ZNF326: variants seen among roughly 807,000 people sequenced by gnomAD.
The protein encoded by ZNF326 is zinc finger protein 326, also known as DBIRD complex subunit ZNF326.
Under a neutral mutation model 63.1 loss-of-function variants are expected in ZNF326, and 30 were observed. The ratio of observed to expected loss-of-function variants is 0.48; its 90% CI spans 0.36 to 0.64. The LOEUF (loss-of-function observed/expected upper bound fraction) is 0.64, where lower values mean the gene tolerates loss of function less well. ZNF326 is among the 30% of genes least tolerant of loss of function. The pLI, the probability that ZNF326 is intolerant of heterozygous loss-of-function variation, is 0.00. For missense variants in ZNF326, 609 were observed against 720.3 expected (o/e 0.85, Z 1.77); for synonymous variants, 194 against 228.2 (o/e 0.85, Z 1.35).
chr1:90,034,882 A>G lies in ZNF326; in HGVS notation c.*7181A>G, dbSNP rs1650422135. On this transcript the variant is annotated 3_prime_UTR_variant, in exon 12 of 12. Coordinates refer to ENST00000340281, the MANE Select transcript of ZNF326 (RefSeq NM_182976.4). ...AAACTGGTCATGTTGAAAAAACATG[A>G]CCAATTAAATATCCCAAAATAATGT... 1 of 152,156 alleles carries G rather than the reference A, an allele frequency of 6.6e-6. No homozygotes were observed. Among genetic ancestry groups the G allele is most frequent in the African/African-American group, 2.4e-5 (1 of 41,446 alleles). The allele number at this position is 152,156 out of a possible 1,614,324, so 9.4% of individuals were successfully genotyped here. A position where few individuals can be genotyped will look rare whatever the true frequency, so the allele number is the denominator to read the frequency against.
chr1:90,015,812 T>G (rs747415500), intron 7 of ZNF326, among the ~76,000 whole-genome samples: 3 of 152,186 alleles, frequency 2.0e-5, no homozygotes, highest in Non-Finnish European at 4.4e-5. Flanking sequence ...AGGCCATGGC[T>G]TGCCATCAAA....
chr1:90,012,436 G>C (rs1184040583), intron 6 of ZNF326, among the ~76,000 whole-genome samples: 2 of 152,054 alleles, frequency 1.3e-5, no homozygotes, highest in Non-Finnish European at 2.9e-5. Flanking sequence ...TGGTTACCAG[G>C]GCCTTAGGGT....
chr1:90,001,208 G>C (rs1393114989), intron 2 of ZNF326, among the ~76,000 whole-genome samples: 1 of 152,156 alleles, frequency 6.6e-6, no homozygotes, highest in Non-Finnish European at 1.5e-5. Context: ...AATGTCCCCA[G>C]GGGGTGCAAA....
Position 90,005,057 on chromosome 1 carries a change from T to A in ZNF326, c.97+19T>A. 1 of 1,613,996 alleles carries A rather than the reference T, an allele frequency of 6.2e-7. No homozygotes were observed. The highest frequency in any genetic ancestry group is 8.5e-7 in the Non-Finnish European group (1 of 1,179,986). On this transcript the variant is annotated intron_variant, in intron 3 of 11. Coordinates refer to ENST00000340281, the MANE Select transcript of ZNF326 (RefSeq NM_182976.4). ...TATGGAGGTCTGACATTCAAGGATATTTATCTAAAAATTCTTCTTTTGAGT... is the reference window on the plus strand; with the variant it reads ...TATGGAGGTCTGACATTCAAGGATAATTATCTAAAAATTCTTCTTTTGAGT...
At chr1:90,001,607 G>A (rs1221681842) in intron 2 of ZNF326, among the ~76,000 whole-genome samples, 1 of 149,360 alleles carries the variant, frequency 6.7e-6, no homozygotes, top group Non-Finnish European at 1.5e-5. Flanking sequence ...AGGCTAGAGT[G>A]CAATGGTGTG....
chr1:89,997,559 A>G (rs1209882239), intron 1 of ZNF326, among the ~76,000 whole-genome samples: 1 of 152,066 alleles, frequency 6.6e-6, no homozygotes, highest in Non-Finnish European at 1.5e-5. Flanking sequence ...TTTCCAGTAG[A>G]GAAAGGGTTT....
In ZNF326 at chr1:90,017,365, A is replaced by G; in HGVS notation, c.975A>G (p.Lys325=). 1 of 1,605,184 alleles carries G rather than the reference A, an allele frequency of 6.2e-7. No homozygotes were observed. The highest frequency in any genetic ancestry group is 8.5e-7 in the Non-Finnish European group (1 of 1,177,256). The part of the protein sequence containing the change: ...SFCKFRTFEE[K]DIELHLESSS... ...GTAAATTTCGAACATTTGAAGAAAA[A>G]GATATTGAACTGCATCTGGAAAGTT... is the stretch of plus-strand genomic sequence containing the variant. Residue 325 remains lysine, a synonymous_variant, in exon 8 of 12, where the codon AAA becomes AAG. Coordinates refer to ENST00000340281, the MANE Select transcript of ZNF326 (RefSeq NM_182976.4).
At position 90,010,200 on chromosome 1, in the gene ZNF326, A is replaced by G; in HGVS notation, c.728A>G (p.Gln243Arg). The change falls in exon 6 of 12, where the codon CAG becomes CGG. Residue 243 changes from glutamine (Q) to arginine (R), a missense_variant. By Grantham distance (43) the Gln-to-Arg change is conservative. This residue lies in a region of ZNF326 where 399 missense variants were observed against 444.3 expected (regional missense o/e 0.90). Transcript: ENST00000340281. Reference protein sequence around the residue: ...AARGIKRKMMQPFNKPSGTFI... With the variant: ...AARGIKRKMMRPFNKPSGTFI... ...AGAGGAATAAAGAGAAAAATGATGCAGCCATTTAATAAGCCCAGTGGAACC... is the reference window on the plus strand; with the variant it reads ...AGAGGAATAAAGAGAAAAATGATGCGGCCATTTAATAAGCCCAGTGGAACC... 6.2e-7 allele frequency: 1 copy of G among 1,613,974 alleles called. No individual in the cohort carries two copies. Among genetic ancestry groups the G allele is most frequent in the South Asian group, 1.1e-5 (1 of 91,078 alleles).
In ZNF326 at chr1:90,030,365, G is replaced by C. The variant is rs1225628401; in HGVS notation, c.*2664G>C. 6.7e-6 allele frequency: 1 copy of C among 149,910 alleles called. No homozygotes were observed. The highest frequency in any genetic ancestry group is 6.6e-5 in the Admixed American group (1 of 15,042). 9.3% of individuals were successfully genotyped at this position (149,910 alleles called of 1,614,324 possible). On this transcript the variant is annotated 3_prime_UTR_variant, in exon 12 of 12. Coordinates refer to ENST00000340281, the MANE Select transcript of ZNF326 (RefSeq NM_182976.4). The stretch of plus-strand genomic sequence containing the variant: ...CTTTTTTTTTTTTTGTACCTATACA[G>C]TTAGAACTCCTTATCATGTTGATCA...
rs931845196 is a variant in ZNF326, at chr1:90,003,341, C to A, written c.62-1662C>A. Among the ~76,000 whole-genome samples the A allele has an allele frequency of 2.6e-5, 4 of 152,176 alleles. No individual in the cohort carries two copies. The South Asian group carries it at 8.3e-4, about 32-fold the overall frequency. On this transcript the variant is annotated intron_variant, in intron 2 of 11. Coordinates refer to ENST00000340281, the MANE Select transcript of ZNF326 (RefSeq NM_182976.4). ...TAGAGACGGGGTTTCACTGTGTTAG[C>A]CAGGATGGTCTTGATCTCCTGACCT...
intron 2 of ZNF326, 54 bp from the exon 3 acceptor site, chr1:90,004,949 T>C: frequency 6.6e-7 from 1 of 1,511,880 alleles, no homozygotes; most frequent in Non-Finnish European, 9.2e-7. Flanking sequence ...TGTGCAAAGA[T>C]CCCTGAAGAG....
chr1:90,005,201 T>A lies in ZNF326; in HGVS notation c.166T>A (p.Ser56Thr), dbSNP rs763239926. The A allele has an allele frequency of 2.9e-5, 46 of 1,614,026 alleles. No homozygotes were observed. The highest frequency in any genetic ancestry group is 3.9e-5 in the Non-Finnish European group (46 of 1,179,978). Residue 56 changes from serine to threonine, a missense_variant, in exon 4 of 12, where the codon TCA becomes ACA. By Grantham distance (58) the Ser-to-Thr change is moderately conservative (BLOSUM62 1). Coordinates refer to ENST00000340281, the MANE Select transcript of ZNF326 (RefSeq NM_182976.4). ...ATCCATGGATTCCTACCTAAACCAGTCATATGGCATGGACAATCACAGTGG... is the reference window on the plus strand; with the variant it reads ...ATCCATGGATTCCTACCTAAACCAGACATATGGCATGGACAATCACAGTGG... The part of the protein sequence containing the change: ...QRSMDSYLNQ[S>T]YGMDNHSGGG...
chr1:90,020,057 A>C lies in ZNF326; in HGVS notation c.1175-735A>C, dbSNP rs1294453847. 4.6e-5 allele frequency among the ~76,000 whole-genome samples: 7 copies of C among 152,164 alleles called. No individual in the cohort carries two copies. In the East Asian group the frequency reaches 1.4e-3, roughly 29 times the overall value. Reference sequence around the variant, plus strand: ...CTCCTTTAAATACTGTATTTGTTCAAATCCTTTTCTGTTGTCTTGACAATT... The same window carrying C: ...CTCCTTTAAATACTGTATTTGTTCACATCCTTTTCTGTTGTCTTGACAATT... On this transcript the variant is annotated intron_variant, in intron 9 of 11. Transcript: ENST00000340281.
intron 6 of ZNF326, among the ~76,000 whole-genome samples, 177 bp downstream of exon 6, chr1:90,010,463 A>G (rs773869954): frequency 1.3e-5 from 2 of 152,148 alleles, no homozygotes; most frequent in Non-Finnish European, 2.9e-5. Context: ...ACCCAAAGAT[A>G]CTTTTAAAAT....
At chr1:90,018,824 AT>A in intron 9 of ZNF326, 40 bp downstream of exon 9, 2 of 1,194,354 alleles carry the variant, frequency 1.7e-6, no homozygotes, top group African/African-American at 1.6e-5. Context: ...TTCTACATGT[AT>A]TTTTATATAT....
intron 4 of ZNF326, chr1:90,005,608 T>TA (rs942412044): frequency 1.5e-5 from 14 of 919,276 alleles, no homozygotes; most frequent in Middle Eastern, 5.5e-4. Context: ...TCTTAATAAT[T>TA]AAAAAAAATC....
At position 90,005,128 on chromosome 1, in the gene ZNF326, T is replaced by TA; in HGVS notation, c.98-4dup. The TA allele has an allele frequency of 6.2e-7, 1 of 1,614,032 alleles. No homozygotes were observed. The highest frequency in any genetic ancestry group is 8.5e-7 in the Non-Finnish European group (1 of 1,179,994). On this transcript the variant is annotated splice_polypyrimidine_tract_variant and splice_region_variant and intron_variant, in intron 3 of 11. Transcript: ENST00000340281. ...TATAACTTTTTTCTTTTTAAACTCT[T>TA]ATAGGGATGGATCGTGACTATGGCC...
Position 90,030,353 on chromosome 1 carries a change from T to G in ZNF326, c.*2652T>G, listed in dbSNP as rs1650215438. 1 of 151,854 alleles carries G rather than the reference T, an allele frequency of 6.6e-6. No homozygotes were observed. The highest frequency in any genetic ancestry group is 2.1e-4 in the South Asian group (1 of 4,828). The allele number at this position is 151,854 out of a possible 1,614,324, so 9.4% of individuals were successfully genotyped here. ...GTTAATCTCATGCTTTTTTTTTTTT[T>G]GTACCTATACAGTTAGAACTCCTTA... On this transcript the variant is annotated 3_prime_UTR_variant, in exon 12 of 12. Transcript: ENST00000340281.
In ZNF326 at chr1:90,034,285, C is replaced by T. The variant is rs1214110995; in HGVS notation, c.*6584C>T. 1 of 152,088 alleles carries T rather than the reference C, an allele frequency of 6.6e-6. No individual in the cohort carries two copies. The highest frequency in any genetic ancestry group is 2.4e-5 in the African/African-American group (1 of 41,424). The allele number at this position is 152,088 out of a possible 1,614,324, so 9.4% of individuals were successfully genotyped here. On this transcript the variant is annotated 3_prime_UTR_variant, in exon 12 of 12. Coordinates refer to ENST00000340281, the MANE Select transcript of ZNF326 (RefSeq NM_182976.4). Reference sequence around the variant, plus strand: ...CCAATTTTAGAACATGCAAGGATTTCAGAAATTAACTCATAAAACACAACC... The same window carrying T: ...CCAATTTTAGAACATGCAAGGATTTTAGAAATTAACTCATAAAACACAACC...
Sources: allele counts gnomAD v4.1 joint callset (sites outside exome capture counted in the v4.1 genomes callset), GRCh38; gene constraint gnomAD v4.1.1; regional missense constraint gnomAD v4.1.1; transcripts MANE v1.5; gene names NCBI Gene and HGNC (gene_info 2026-07-23, HGNC 2026-07-21).